The following PUS7 variants were observed in gnomAD, a reference collection of about 807,000 sequenced individuals.
The protein encoded by PUS7 is pseudouridylate synthase 7 homolog.
A neutral mutation model predicts 79.8 loss-of-function variants in PUS7; 48 were observed. That is an observed-to-expected ratio of 0.60 (90% CI 0.48 to 0.76). PUS7 has a LOEUF of 0.76. Ranked by LOEUF, PUS7 falls within the 30% of genes least tolerant of loss-of-function variation. PUS7 has a pLI of 0.00. For missense variants in PUS7, 729 were observed against 797.6 expected, an observed-to-expected ratio of 0.91 and a Z score of 1.04; for synonymous variants, 286 against 272.2, an observed-to-expected ratio of 1.05 and a Z score of -0.50.
rs757991755 is a variant in PUS7 at position 105,465,817 on chromosome 7, G to A, written c.1526-403C>T. On this transcript the variant is annotated intron_variant, in intron 12 of 15. Transcript: ENST00000469408. ...CATTGCACTCCAGCCTGGGTGACAA[G>A]AGTGAAACTCCTCTCAAAATAAAAA... is the stretch of plus-strand genomic sequence containing the variant. Among the ~76,000 whole-genome samples the A allele has an allele frequency of 9.9e-5, 15 of 151,556 alleles. No individual in the cohort carries two copies. In the South Asian group the frequency reaches 1.5e-3, roughly 15 times the overall value.
intron 14 of PUS7, among the ~76,000 whole-genome samples, chr7:105,461,284 G>C (rs538472248): frequency 6.6e-6 from 1 of 152,230 alleles, no homozygotes; most frequent in South Asian, 2.1e-4. Flanking sequence ...TTTAGAAATA[G>C]GAAAAAAGTT....
chr7:105,516,849 A>C (rs543532632), intron 1 of PUS7, among the ~76,000 whole-genome samples: 20 of 152,126 alleles, frequency 1.3e-4, no homozygotes, highest in Non-Finnish European at 2.6e-4. Flanking sequence ...TGCAAAGAGA[A>C]AACAAGCCTG....
intron 12 of PUS7, among the ~76,000 whole-genome samples, chr7:105,467,946 T>A (rs561802228): frequency 6.6e-6 from 1 of 152,208 alleles, no homozygotes; most frequent in Non-Finnish European, 1.5e-5. Flanking sequence ...TCTCTTTTTT[T>A]TTTTGAGATG....
intron 14 of PUS7, among the ~76,000 whole-genome samples, chr7:105,461,335 A>C (rs1435894167): frequency 1.3e-5 from 2 of 152,202 alleles, no homozygotes; most frequent in African/African-American, 4.8e-5. Context: ...ATGCCAATAA[A>C]ATGTAAATGA....
At chr7:105,460,832 C>A (rs7808682) in intron 14 of PUS7, among the ~76,000 whole-genome samples, 2 of 111,930 alleles carry the variant, frequency 1.8e-5, no homozygotes, top group African/African-American at 3.5e-5. Flanking sequence ...CCAGCCTGGG[C>A]GACAGAGCGA....
chr7:105,507,242 C>T (rs929265091), intron 2 of PUS7, among the ~76,000 whole-genome samples: 4 of 152,086 alleles, frequency 2.6e-5, no homozygotes, highest in South Asian at 4.1e-4. Context: ...GACAGGGTTT[C>T]GCCATGTTGC....
intron 13 of PUS7, 136 bp from the exon 14 acceptor site, chr7:105,462,886 A>T (rs1823493500): frequency 2.4e-6 from 2 of 836,660 alleles, no homozygotes; most frequent in East Asian, 2.6e-5. Flanking sequence ...TTATAATCCA[A>T]AATCTGTTCC....
Position 105,508,197 on chromosome 7 carries a change from T to A in PUS7, c.316A>T (p.Lys106Ter). Residue 106 changes from lysine (K) to a stop codon, truncating the protein, a stop_gained, in exon 2 of 16, where the codon AAG (lysine) becomes TAG (stop). Coordinates refer to ENST00000469408, the MANE Select transcript of PUS7 (RefSeq NM_019042.5). LOFTEE classifies it high-confidence loss of function. ...ACGTCAGCCTCAGTGAGTCCATGCT[T>A]CATCATGTCTGCAAAACTCTCTGAT... ...EESESFADMM[K>*]HGLTEADVGI... 6.2e-7 allele frequency: 1 copy of A among 1,614,154 alleles called. No individual in the cohort carries two copies. Among genetic ancestry groups the A allele is most frequent in the Middle Eastern group, 1.6e-4 (1 of 6,062 alleles).
In PUS7 at chr7:105,471,539, G is replaced by A. The variant is rs370662276; in HGVS notation, c.1237+593C>T. Among the ~76,000 whole-genome samples the A allele has an allele frequency of 5.9e-5, 9 of 152,204 alleles. No homozygotes were observed. The South Asian group carries it at 6.2e-4, about 11-fold the overall frequency. The stretch of plus-strand genomic sequence containing the variant: ...TAAAGAGCTAAAATAGAGGCTGGGC[G>A]TGGTGCTCACGCCTGTAATCCTAAC... On this transcript the variant is annotated intron_variant, in intron 10 of 15. Coordinates refer to ENST00000469408, the MANE Select transcript of PUS7 (RefSeq NM_019042.5).
chr7:105,486,440 G>T (rs186791979), intron 7 of PUS7, among the ~76,000 whole-genome samples: 1 of 152,290 alleles, frequency 6.6e-6, no homozygotes, highest in East Asian at 1.9e-4. Context: ...CACCCAGGTT[G>T]GAGTGCAGTG....
intron 15 of PUS7, among the ~76,000 whole-genome samples, chr7:105,458,191 AAAT>A (rs1262881627): frequency 4.6e-5 from 7 of 152,184 alleles, no homozygotes; most frequent in Non-Finnish European, 2.9e-5. Context: ...AAAGTTAAAG[AAAT>A]AATAATAAAT....
rs776732227 is a variant in PUS7 at position 105,457,795 on chromosome 7, G to A, written c.1981C>T (p.Arg661Cys). 16 of 1,613,724 alleles carry A rather than the reference G, an allele frequency of 9.9e-6. No homozygotes were observed. The highest frequency in any genetic ancestry group is 6.6e-5 in the South Asian group (6 of 91,038). Residue 661 changes from arginine (R) to cysteine (C), a missense_variant, in exon 16 of 16, where the codon CGC (arginine) becomes TGC (cysteine). Arg to Cys is a radical substitution (Grantham distance 180, BLOSUM62 -3). Transcript: ENST00000469408. ...NQTQLNTTWL[R>C] ...ATCTGTGGACAAGGTACTGCTCAGCGAAGCCAGGTTGTATTCAGCTGCGTC... is the reference window on the plus strand; with the variant it reads ...ATCTGTGGACAAGGTACTGCTCAGCAAAGCCAGGTTGTATTCAGCTGCGTC...
chr7:105,465,758 G>A (rs948922846), intron 12 of PUS7, among the ~76,000 whole-genome samples: 1 of 152,104 alleles, frequency 6.6e-6, no homozygotes, highest in Admixed American at 6.6e-5. Context: ...GCTTGAACCC[G>A]GGAGGCGGAG....
chr7:105,487,625 G>C (rs903904232), intron 7 of PUS7, among the ~76,000 whole-genome samples: 1 of 152,140 alleles, frequency 6.6e-6, no homozygotes, highest in Non-Finnish European at 1.5e-5. Context: ...CCCAGATCAA[G>C]GTCTTTGGTT....
At chr7:105,519,688 T>A (rs1395771582) in intron 1 of PUS7, among the ~76,000 whole-genome samples, 1 of 152,258 alleles carries the variant, frequency 6.6e-6, no homozygotes, top group Non-Finnish European at 1.5e-5. Flanking sequence ...TGTCCTCATG[T>A]AGCTTACAAT....
Position 105,457,141 on chromosome 7 carries a change from A to G in PUS7, c.*649T>C, listed in dbSNP as rs1823220928. ...TGCTACAGAGTGAGATCCTGTCTCG[A>G]AAAAAAAAATAAAAAAATAAAATGG... On this transcript the variant is annotated 3_prime_UTR_variant, in exon 16 of 16. Transcript: ENST00000469408. The G allele has an allele frequency of 6.6e-6, 1 of 150,376 alleles. No individual in the cohort carries two copies. The highest frequency in any genetic ancestry group is 6.7e-5 in the Admixed American group (1 of 15,030). The allele number at this position is 150,376 out of a possible 1,614,324, so 9.3% of individuals were successfully genotyped here.
intron 1 of PUS7, among the ~76,000 whole-genome samples, chr7:105,513,745 G>A (rs534061243): frequency 1.2e-3 from 183 of 147,466 alleles, no homozygotes; most frequent in Non-Finnish European, 2.1e-3. Flanking sequence ...GGCTGAGGCA[G>A]GAGAATGGCG....
chr7:105,512,676 G>A (rs531753517), intron 1 of PUS7, among the ~76,000 whole-genome samples: 1 of 152,280 alleles, frequency 6.6e-6, no homozygotes, highest in South Asian at 2.1e-4. Context: ...TGGGAGGGGC[G>A]GAGGCCACAT....
chr7:105,484,585 G>A (rs1024501509), intron 7 of PUS7, among the ~76,000 whole-genome samples: 25 of 150,964 alleles, frequency 1.7e-4, no homozygotes, highest in African/African-American at 6.1e-4. Flanking sequence ...TTGGGAGGCC[G>A]AGGCGGGCGG....
Sources: allele counts gnomAD v4.1 joint callset (sites outside exome capture counted in the v4.1 genomes callset), GRCh38; gene constraint gnomAD v4.1.1; transcripts MANE v1.5; gene names NCBI Gene and HGNC (gene_info 2026-07-23, HGNC 2026-07-21).